MSRA: variants seen among roughly 807,000 people sequenced by gnomAD.
MSRA encodes the protein methionine sulfoxide reductase A.
A neutral mutation model predicts 31.3 loss-of-function variants in MSRA; 54 were observed. The observed-to-expected ratio is 1.73, with a 90% CI of 1.39 to 2.17. The LOEUF (loss-of-function observed/expected upper bound fraction) is 2.17, where lower values mean the gene tolerates loss of function less well. Among genes scored for constraint, MSRA ranks in the 30% most tolerant of loss-of-function variants. The pLI is 0.00. For missense variants in MSRA, 507 were observed against 300.9 expected (o/e 1.69, Z -5.07); for synonymous variants, 169 against 116.5 (o/e 1.45, Z -2.90).
chr8:10,284,241 T>C (rs1243717786), intron 3 of MSRA, among the ~76,000 whole-genome samples: 1 of 152,090 alleles, frequency 6.6e-6, no homozygotes, highest in East Asian at 1.9e-4. Flanking sequence ...CGGGATGGAG[T>C]GCAATGGCAC....
intron 1 of MSRA, among the ~76,000 whole-genome samples, chr8:10,149,344 A>C (rs1236349338): frequency 2.0e-5 from 3 of 152,018 alleles, no homozygotes; most frequent in Non-Finnish European, 4.4e-5. Context: ...GCTGGTCTCA[A>C]ACTCCGCGAC....
At chr8:10,145,261 A>C (rs920692981) in intron 1 of MSRA, among the ~76,000 whole-genome samples, 2 of 152,246 alleles carry the variant, frequency 1.3e-5, no homozygotes, top group Admixed American at 6.5e-5. Flanking sequence ...TAAGACAAAC[A>C]ATAGGAATAA....
At chr8:10,274,208 G>A (rs1238095887) in intron 3 of MSRA, among the ~76,000 whole-genome samples, 1 of 152,220 alleles carries the variant, frequency 6.6e-6, no homozygotes, top group Non-Finnish European at 1.5e-5. Context: ...CTTCTAACAT[G>A]CTAGTGTAGT....
chr8:10,207,117 A>T (rs553563350), intron 1 of MSRA, among the ~76,000 whole-genome samples: 9 of 152,352 alleles, frequency 5.9e-5, no homozygotes, highest in African/African-American at 2.2e-4. Flanking sequence ...CATATTGTCT[A>T]TTGATCACAG....
intron 1 of MSRA, among the ~76,000 whole-genome samples, chr8:10,181,422 A>G (rs996863733): frequency 1.3e-5 from 2 of 150,900 alleles, no homozygotes; most frequent in East Asian, 3.9e-4. Context: ...CCTAAAACTT[A>G]AAGTATAATA....
intron 1 of MSRA, among the ~76,000 whole-genome samples, chr8:10,092,454 C>G (rs938220164): frequency 2.6e-5 from 4 of 152,036 alleles, no homozygotes; most frequent in African/African-American, 4.8e-5. Flanking sequence ...GTCAAGAGAT[C>G]GAGACCATCC....
chr8:10,294,218 A>C (rs1034253773), intron 3 of MSRA, among the ~76,000 whole-genome samples: 31 of 152,154 alleles, frequency 2.0e-4, no homozygotes, highest in Non-Finnish European at 1.0e-4. Flanking sequence ...TAAATAAATA[A>C]ATAATTTTTA....
chr8:10,123,426 C>G (rs767130967), intron 1 of MSRA, among the ~76,000 whole-genome samples: 1 of 152,142 alleles, frequency 6.6e-6, no homozygotes, highest in East Asian at 1.9e-4. Context: ...AGACCTTTGT[C>G]AAATGCATAG....
chr8:10,255,018 T>G (rs1487485627), intron 3 of MSRA, among the ~76,000 whole-genome samples: 7 of 152,228 alleles, frequency 4.6e-5, no homozygotes, highest in Admixed American at 4.6e-4. Flanking sequence ...GGCAAAAATT[T>G]TGCACAGAAG....
chr8:10,149,342 C>T (rs529120644), intron 1 of MSRA, among the ~76,000 whole-genome samples: 2 of 152,082 alleles, frequency 1.3e-5, no homozygotes, highest in Non-Finnish European at 2.9e-5. Flanking sequence ...AGGCTGGTCT[C>T]AAACTCCGCG....
chr8:10,208,538 C>A (rs1333003969), intron 2 of MSRA, among the ~76,000 whole-genome samples: 1 of 152,144 alleles, frequency 6.6e-6, no homozygotes, highest in East Asian at 1.9e-4. Flanking sequence ...AATATCTCTG[C>A]ACATGGCCCT....
intron 2 of MSRA, among the ~76,000 whole-genome samples, chr8:10,208,639 C>T (rs901639337): frequency 3.9e-5 from 6 of 152,224 alleles, no homozygotes; most frequent in Middle Eastern, 3.4e-3. Context: ...TTCTCTCTAG[C>T]AGTGCTCTGG....
In MSRA at chr8:10,173,684, T is replaced by A. The variant is rs78185186; in HGVS notation, c.143-34149T>A. Among the ~76,000 whole-genome samples the A allele has an allele frequency of 2.3e-3, 354 of 152,308 alleles. 9 individuals carry two copies. In the East Asian group the frequency reaches 0.059, roughly 25 times the overall value. ...TGCAGCCAGGCTCAACTTTTCAAGA[T>A]GTTGTCTTCCAAATCCTGCCTTGAT... On this transcript the variant is annotated intron_variant, in intron 1 of 5. Transcript: ENST00000317173.
intron 5 of MSRA, among the ~76,000 whole-genome samples, chr8:10,327,928 G>GAACAAC (rs201768082): frequency 6.7e-6 from 1 of 149,038 alleles, no homozygotes; most frequent in African/African-American, 2.5e-5. Context: ...TCAACAACTA[G>GAACAAC]AACAACAACA....
chr8:10,332,451 T>TCCAC (rs1554529517), intron 5 of MSRA, among the ~76,000 whole-genome samples: 4 of 146,512 alleles, frequency 2.7e-5, no homozygotes, highest in Non-Finnish European at 4.6e-5. Context: ...AAAAGAAAAA[T>TCCAC]CCCCCCTCCC....
intron 1 of MSRA, among the ~76,000 whole-genome samples, chr8:10,181,590 G>A (rs1806545161): frequency 6.6e-6 from 1 of 152,152 alleles, no homozygotes; most frequent in Non-Finnish European, 1.5e-5. Flanking sequence ...GGGATGACAT[G>A]ATTGTATTTA....
intron 5 of MSRA, among the ~76,000 whole-genome samples, chr8:10,402,344 C>G (rs541345046): frequency 6.6e-6 from 1 of 152,240 alleles, no homozygotes; most frequent in Admixed American, 6.5e-5. Flanking sequence ...GACAGAGAAC[C>G]GTGACAGGCC....
chr8:10,428,519 AG>A lies in MSRA; in HGVS notation c.*208del. 1 of 562,188 alleles carries A rather than the reference AG, an allele frequency of 1.8e-6. No individual in the cohort carries two copies. The highest frequency in any genetic ancestry group is 3.1e-6 in the Non-Finnish European group (1 of 322,628). The allele number at this position is 562,188 out of a possible 1,614,324, so 34.8% of individuals were successfully genotyped here. On this transcript the variant is annotated 3_prime_UTR_variant, in exon 6 of 6. Coordinates refer to ENST00000317173, the MANE Select transcript of MSRA (RefSeq NM_012331.5). ...TTATCTCCTAATAAGTTATGGTGGGAGTGGAGCTGTGCAGTTTCCTGTGTCT... is the reference window on the plus strand; with the variant it reads ...TTATCTCCTAATAAGTTATGGTGGGATGGAGCTGTGCAGTTTCCTGTGTCT...
intron 1 of MSRA, among the ~76,000 whole-genome samples, chr8:10,160,916 A>C (rs1401729756): frequency 6.6e-6 from 1 of 152,232 alleles, no homozygotes; most frequent in Non-Finnish European, 1.5e-5. Context: ...TCTAGAATAA[A>C]TGCAAGTAAT....
Sources: gnomAD v4.1 joint callset for allele counts (sites outside exome capture counted in the v4.1 genomes callset) on GRCh38, gnomAD v4.1.1 for gene constraint, MANE v1.5 for transcripts, NCBI Gene and HGNC (gene_info 2026-07-23, HGNC 2026-07-21) for gene names.